The following RBFOX1 variants were observed in gnomAD, a reference collection of about 807,000 sequenced individuals.
RBFOX1 encodes the protein RNA binding fox-1 homolog 1.
Under a neutral mutation model 57.7 loss-of-function variants are expected in RBFOX1, and 8 were observed. That is an observed-to-expected ratio of 0.14 (90% CI 0.08 to 0.25). RBFOX1 has a LOEUF of 0.25. Among genes scored for constraint, RBFOX1 ranks in the 10% least tolerant of loss-of-function variants. The pLI is 1.00. For synonymous variants in RBFOX1, 326 were observed against 222.4 expected (o/e 1.47, Z -4.15); for missense variants, 611 against 548.5 (o/e 1.11, Z -1.14).
intron 2 of RBFOX1, among the ~76,000 whole-genome samples, chr16:6,398,698 C>A (rs1009460451): frequency 6.6e-6 from 1 of 152,238 alleles, no homozygotes; most frequent in Non-Finnish European, 1.5e-5. Flanking sequence ...TTGGGCAGCT[C>A]TGCCCCTATG....
chr16:5,294,449 CT>C (rs1460881261), intron 1 of RBFOX1, among the ~76,000 whole-genome samples: 4 of 152,064 alleles, frequency 2.6e-5, no homozygotes, highest in Admixed American at 6.6e-5. Flanking sequence ...CTGCCTATGC[CT>C]TTCTGCTTAC....
At chr16:7,664,695 A>G (rs535658529) in intron 12 of RBFOX1, 1 of 632,776 alleles carries the variant, frequency 1.6e-6, no homozygotes, top group African/African-American at 1.8e-5. Flanking sequence ...TTTGGGACCT[A>G]GCACACCGCC....
At chr16:5,446,629 A>G (rs968310971) in intron 1 of RBFOX1, among the ~76,000 whole-genome samples, 3 of 151,968 alleles carry the variant, frequency 2.0e-5, no homozygotes, top group Non-Finnish European at 4.4e-5. Flanking sequence ...ACCCCTGTGG[A>G]TTTCTCTGGC....
intron 4 of RBFOX1, among the ~76,000 whole-genome samples, chr16:5,951,472 T>C (rs1383305082): frequency 6.6e-6 from 1 of 152,058 alleles, no homozygotes; most frequent in Non-Finnish European, 1.5e-5. Flanking sequence ...TGTGTGTATG[T>C]GTATGTGTAT....
intron 2 of RBFOX1, among the ~76,000 whole-genome samples, chr16:5,588,585 T>C (rs962207544): frequency 7.9e-5 from 12 of 152,316 alleles, no homozygotes; most frequent in Admixed American, 7.8e-4. Context: ...TGTGTCTCTA[T>C]GACCGAGTTA....
At chr16:7,222,043 C>T (rs550326418) in intron 4 of RBFOX1, among the ~76,000 whole-genome samples, 1 of 152,266 alleles carries the variant, frequency 6.6e-6, no homozygotes, top group East Asian at 1.9e-4. Flanking sequence ...TAAAATTTTT[C>T]CGTGAAGACA....
At chr16:6,676,642 C>T (rs904342677) in intron 3 of RBFOX1, among the ~76,000 whole-genome samples, 2 of 147,230 alleles carry the variant, frequency 1.4e-5, no homozygotes, top group East Asian at 2.0e-4. Flanking sequence ...TCTCAACTTA[C>T]TTTCTTTTTT....
At chr16:6,035,372 A>G (rs930018235) in intron 1 of RBFOX1, among the ~76,000 whole-genome samples, 4 of 152,242 alleles carry the variant, frequency 2.6e-5, no homozygotes, top group African/African-American at 9.6e-5. Flanking sequence ...CCCTTGTGGC[A>G]GATGCCAGTC....
chr16:7,509,919 G>A (rs2074532138), intron 4 of RBFOX1, among the ~76,000 whole-genome samples: 1 of 150,936 alleles, frequency 6.6e-6, no homozygotes, highest in Admixed American at 6.6e-5. Context: ...GCATAGAATC[G>A]CATTTCTAAT....
At chr16:7,662,262 C>T (rs2067956583) in intron 12 of RBFOX1, among the ~76,000 whole-genome samples, 2 of 152,314 alleles carry the variant, frequency 1.3e-5, no homozygotes, top group African/African-American at 2.4e-5. Flanking sequence ...ATGAAAAATA[C>T]ATTGTTTACT....
intron 1 of RBFOX1, among the ~76,000 whole-genome samples, chr16:5,434,038 C>T (rs900173369): frequency 2.0e-5 from 3 of 150,104 alleles, no homozygotes; most frequent in Admixed American, 6.6e-5. Flanking sequence ...GGGGTAGGGG[C>T]GGGGAGAAGG....
intron 3 of RBFOX1, among the ~76,000 whole-genome samples, chr16:6,756,003 T>C (rs1341210908): frequency 6.6e-6 from 1 of 152,188 alleles, no homozygotes; most frequent in Non-Finnish European, 1.5e-5. Context: ...TGCCCACTTC[T>C]GCAATCACAT....
intron 3 of RBFOX1, among the ~76,000 whole-genome samples, chr16:6,856,966 G>A (rs1329873577): frequency 6.6e-6 from 1 of 152,126 alleles, no homozygotes; most frequent in Non-Finnish European, 1.5e-5. Flanking sequence ...AAGAAAGGGA[G>A]GGACAAAGAG....
At chr16:6,404,587 C>CT (rs1436099043) in intron 2 of RBFOX1, among the ~76,000 whole-genome samples, 17 of 152,196 alleles carry the variant, frequency 1.1e-4, no homozygotes, top group Admixed American at 6.5e-5. Flanking sequence ...CCTTTTTCTT[C>CT]TTTTTCCTTC....
At chr16:5,438,091 T>G (rs1173600967) in intron 1 of RBFOX1, among the ~76,000 whole-genome samples, 1 of 152,172 alleles carries the variant, frequency 6.6e-6, no homozygotes, top group East Asian at 1.9e-4. Flanking sequence ...TCTATAACAT[T>G]GGCACATTTG....
chr16:6,340,823 C>A (rs1970514), intron 2 of RBFOX1, among the ~76,000 whole-genome samples: 64,278 of 151,848 alleles, frequency 0.42, 14,381 homozygotes, highest in African/African-American at 0.55. Flanking sequence ...TACGCAGCCC[C>A]TATTCAATAT....
At chr16:6,451,825 CAT>C (rs1267521350) in intron 2 of RBFOX1, among the ~76,000 whole-genome samples, 2 of 151,746 alleles carry the variant, frequency 1.3e-5, no homozygotes, top group African/African-American at 4.8e-5. Flanking sequence ...CCCATGACTC[CAT>C]CCATGGCTCT....
intron 1 of RBFOX1, among the ~76,000 whole-genome samples, chr16:6,313,596 G>C (rs963783999): frequency 6.6e-6 from 1 of 152,132 alleles, no homozygotes; most frequent in Admixed American, 6.5e-5. Flanking sequence ...CATTTGGATG[G>C]AGTGCATAGG....
chr16:5,493,074 T>C (rs1323305363), intron 2 of RBFOX1, among the ~76,000 whole-genome samples: 2 of 152,216 alleles, frequency 1.3e-5, no homozygotes, highest in African/African-American at 4.8e-5. Flanking sequence ...ACTTCTTTCA[T>C]GTTATGGTAG....
Sources: gnomAD v4.1 joint callset for allele counts (sites outside exome capture counted in the v4.1 genomes callset) on GRCh38, gnomAD v4.1.1 for gene constraint, MANE v1.5 for transcripts, NCBI Gene and HGNC (gene_info 2026-07-23, HGNC 2026-07-21) for gene names.